The following MKLN1 variants were observed in gnomAD, a reference collection of about 807,000 sequenced individuals.
MKLN1 encodes the protein muskelin.
MKLN1 carries 18 observed loss-of-function variants against 99.0 expected under a neutral mutation model. The ratio of observed to expected loss-of-function variants is 0.18; its 90% CI spans 0.13 to 0.27. The LOEUF is 0.27. MKLN1 is among the 10% of genes least tolerant of loss of function. MKLN1 has a pLI of 1.00. For synonymous variants in MKLN1, 288 were observed against 293.2 expected (o/e 0.98, Z 0.18); for missense variants, 621 against 875.9 (o/e 0.71, Z 3.67).
chr7:131,217,300 T>A (rs1796996889), intron 3 of MKLN1, among the ~76,000 whole-genome samples: 1 of 152,250 alleles, frequency 6.6e-6, no homozygotes, highest in Non-Finnish European at 1.5e-5. Context: ...TCCTACTATG[T>A]GCTTACACAG....
chr7:131,202,119 G>A (rs909930672), intron 2 of MKLN1, among the ~76,000 whole-genome samples: 8 of 146,756 alleles, frequency 5.5e-5, no homozygotes, highest in East Asian at 2.0e-4. Context: ...TATCTTTTTC[G>A]GGGTTTCTCC....
chr7:131,234,104 C>T (rs1395242384), intron 3 of MKLN1, among the ~76,000 whole-genome samples: 2 of 152,054 alleles, frequency 1.3e-5, no homozygotes, highest in African/African-American at 4.8e-5. Flanking sequence ...CTCAGCCTCC[C>T]GAGTAGCTGG....
At chr7:131,117,638 T>C (rs1025725833) in intron 1 of MKLN1, among the ~76,000 whole-genome samples, 3 of 152,202 alleles carry the variant, frequency 2.0e-5, no homozygotes, top group Admixed American at 2.0e-4. Context: ...TAAAAGACAG[T>C]TTACATTTTT....
In MKLN1 at chr7:131,132,623, C is replaced by T. The variant is rs1795568399; in HGVS notation, c.-418-10197C>T. On this transcript the variant is annotated intron_variant, in intron 1 of 7. Transcript: ENST00000416992. ...ATGTTTGGAAGGAGGTAGATTTGGG[C>T]CAATAAATGAAAAACCAAAGGCCGG... 2.0e-5 allele frequency among the ~76,000 whole-genome samples: 3 copies of T among 151,882 alleles called. No individual in the cohort carries two copies. The South Asian group carries it at 6.2e-4, about 32-fold the overall frequency.
At chr7:131,235,228 CTG>C (rs966958570) in intron 3 of MKLN1, among the ~76,000 whole-genome samples, 3 of 151,974 alleles carry the variant, frequency 2.0e-5, no homozygotes, top group East Asian at 1.9e-4. Context: ...CTCTTTCTCT[CTG>C]TGTCTCTCTC....
At chr7:131,363,162 A>G (rs1016149132) in intron 1 of MKLN1, among the ~76,000 whole-genome samples, 4 of 151,710 alleles carry the variant, frequency 2.6e-5, no homozygotes, top group African/African-American at 9.7e-5. Flanking sequence ...GAGGGGATAG[A>G]CCAGTGCAGT....
At chr7:131,139,261 C>T (rs899018285) in intron 1 of MKLN1, among the ~76,000 whole-genome samples, 3 of 152,000 alleles carry the variant, frequency 2.0e-5, no homozygotes, top group Non-Finnish European at 4.4e-5. Context: ...TGGTGAGGGA[C>T]CCATCCGTAC....
intron 7 of MKLN1, among the ~76,000 whole-genome samples, chr7:131,413,801 A>T (rs994497078): frequency 9.2e-5 from 14 of 152,132 alleles, no homozygotes. Flanking sequence ...GGCCTCCCAG[A>T]GTGCTGGGAT....
chr7:131,432,797 A>G (rs1285292465), intron 9 of MKLN1, among the ~76,000 whole-genome samples: 2 of 152,220 alleles, frequency 1.3e-5, no homozygotes, highest in African/African-American at 4.8e-5. Flanking sequence ...GTTTGGCTCA[A>G]TAAAAGACAT....
At chr7:131,204,627 C>T (rs1262559014) in intron 3 of MKLN1, among the ~76,000 whole-genome samples, 1 of 151,340 alleles carries the variant, frequency 6.6e-6, no homozygotes, top group Non-Finnish European at 1.5e-5. Context: ...GTCAGGAGTT[C>T]AAGACCAGCC....
chr7:131,266,173 C>CAAAAAA (rs35332093), intron 3 of MKLN1, among the ~76,000 whole-genome samples: 14 of 86,552 alleles, frequency 1.6e-4, no homozygotes, highest in South Asian at 4.0e-4. Flanking sequence ...GACTGCATCT[C>CAAAAAA]AAAAAAAAAA....
At position 131,301,524 on chromosome 7, in the gene MKLN1, C is replaced by T. The variant is rs1321054959; in HGVS notation, c.-178-73900C>T. Among the ~76,000 whole-genome samples the T allele has an allele frequency of 2.0e-5, 3 of 152,148 alleles. No individual in the cohort carries two copies. In the South Asian group the frequency reaches 6.2e-4, roughly 32 times the overall value. The stretch of plus-strand genomic sequence containing the variant: ...CTTGATTTTAACATTATGAGGGCAT[C>T]TAGTGTCTCTTGGAAGGCAAACGTC... On this transcript the variant is annotated intron_variant, in intron 3 of 7. Transcript: ENST00000416992.
intron 2 of MKLN1, among the ~76,000 whole-genome samples, chr7:131,175,032 ATGG>A (rs1371019558): frequency 9.9e-4 from 3 of 3,022 alleles, no homozygotes; most frequent in African/African-American, 2.7e-3. Flanking sequence ...AGATAGGCAG[ATGG>A]ATGGATGGAT....
Position 131,148,846 on chromosome 7 carries a change from C to G in MKLN1, c.-297+5905C>G, listed in dbSNP as rs151236846. 4.0e-3 allele frequency among the ~76,000 whole-genome samples: 614 copies of G among 152,244 alleles called. 8 individuals are homozygous for G. Among genetic ancestry groups the G allele is most frequent in the Non-Finnish European group, 4.1e-3 (279 of 68,014 alleles). The stretch of plus-strand genomic sequence containing the variant: ...TGCCTTAACAATTAAGTTGGTCTGG[C>G]TCTGTGGCGAATCTGAGAAAGAATT... On this transcript the variant is annotated intron_variant, in intron 2 of 7. Transcript: ENST00000416992.
intron 6 of MKLN1, among the ~76,000 whole-genome samples, chr7:131,405,593 A>G (rs538744868): frequency 6.6e-6 from 1 of 152,236 alleles, no homozygotes; most frequent in African/African-American, 2.4e-5. Flanking sequence ...ATTTAAATAT[A>G]TAAAATTTCC....
intron 3 of MKLN1, among the ~76,000 whole-genome samples, chr7:131,306,867 G>T (rs1488818194): frequency 1.3e-5 from 2 of 152,214 alleles, no homozygotes; most frequent in African/African-American, 2.4e-5. Flanking sequence ...AGAACCAAAT[G>T]TTAATTGCCA....
At chr7:131,383,080 A>C (rs1793901198) in intron 2 of MKLN1, among the ~76,000 whole-genome samples, 1 of 152,088 alleles carries the variant, frequency 6.6e-6, no homozygotes, top group Non-Finnish European at 1.5e-5. Context: ...CTCCTGTTTG[A>C]AGTTTTCTGA....
intron 2 of MKLN1, among the ~76,000 whole-genome samples, chr7:131,157,362 C>T (rs762291710): frequency 1.3e-5 from 2 of 152,160 alleles, no homozygotes; most frequent in Non-Finnish European, 2.9e-5. Context: ...CACAATACTG[C>T]ACTCCAGCCC....
At chr7:131,206,069 T>G (rs1796805771) in intron 3 of MKLN1, among the ~76,000 whole-genome samples, 2 of 151,946 alleles carry the variant, frequency 1.3e-5, no homozygotes, top group Admixed American at 1.3e-4. Context: ...AATTTTTGTA[T>G]TTTTAGTAGA....
Sources: allele counts gnomAD v4.1 joint callset (sites outside exome capture counted in the v4.1 genomes callset), GRCh38; gene constraint gnomAD v4.1.1; transcripts MANE v1.5; gene names NCBI Gene and HGNC (gene_info 2026-07-23, HGNC 2026-07-21).